Variants in FBXL18 observed in about 807,000 individuals in gnomAD.
FBXL18 encodes the protein F-box and leucine rich repeat protein 18, also known as F-box/LRR-repeat protein 18.
Under a neutral mutation model 46.0 loss-of-function variants are expected in FBXL18, and 36 were observed. The observed-to-expected ratio is 0.78, with a 90% CI of 0.60 to 1.03. The LOEUF is 1.03. Among genes scored for constraint, FBXL18 ranks in the 50% least tolerant of loss-of-function variants. The probability of loss-of-function intolerance (pLI) is 0.00; values close to 1 mark genes in which losing one functional copy is unlikely to be tolerated. For missense variants in FBXL18, 977 were observed against 1,004.1 expected (o/e 0.97, Z 0.36); for synonymous variants, 557 against 465.3 (o/e 1.20, Z -2.54).
Position 5,460,579 on chromosome 7 carries a change from G to A in FBXL18, c.2001-12736C>T, listed in dbSNP as rs76041940. ...AGTGATTCTCATGCCTCAACCTCCC[G>A]AGCAGCTGGGGTTACCGGCATGTGC... On this transcript the variant is annotated intron_variant and NMD_transcript_variant, in intron 4 of 6. Transcript: ENST00000415009. 2.9e-4 allele frequency among the ~76,000 whole-genome samples: 44 copies of A among 152,294 alleles called. 1 individual carries two copies. In the East Asian group the frequency reaches 7.3e-3, roughly 25 times the overall value.
intron 4 of FBXL18, among the ~76,000 whole-genome samples, chr7:5,465,887 A>G (rs1783334245): frequency 6.6e-6 from 1 of 150,878 alleles, no homozygotes; most frequent in South Asian, 2.1e-4. Context: ...GCACAATCTC[A>G]GCTCACTGCA....
At chr7:5,497,016 G>A (rs182772369) in intron 3 of FBXL18, among the ~76,000 whole-genome samples, 73 of 134,710 alleles carry the variant, frequency 5.4e-4, no homozygotes, top group Non-Finnish European at 8.5e-4. Flanking sequence ...GGGTGACAGA[G>A]TGAGACTCTG....
intron 4 of FBXL18, among the ~76,000 whole-genome samples, chr7:5,487,544 G>A (rs1038536821): frequency 1.3e-5 from 2 of 152,170 alleles, no homozygotes; most frequent in Non-Finnish European, 2.9e-5. Context: ...TCTTCCAGGC[G>A]TGAACTCCCA....
At chr7:5,498,599 C>G (rs1784147609) in intron 3 of FBXL18, among the ~76,000 whole-genome samples, 1 of 151,826 alleles carries the variant, frequency 6.6e-6, no homozygotes. Context: ...TTTTGAGAGT[C>G]TCACTCTGTC....
rs1472859817 is a variant in FBXL18 at position 5,479,474 on chromosome 7, A to T, written c.*2301T>A. ...AGAGCAAGAAGTGGTCAGTCCCAGGAGGCACCACACCACCCGATCTGATCG... is the reference window on the plus strand; with the variant it reads ...AGAGCAAGAAGTGGTCAGTCCCAGGTGGCACCACACCACCCGATCTGATCG... On this transcript the variant is annotated 3_prime_UTR_variant, in exon 5 of 5. Coordinates refer to ENST00000382368, the MANE Select transcript of FBXL18 (RefSeq NM_024963.6). The T allele has an allele frequency of 6.6e-6, 1 of 152,220 alleles. No homozygotes were observed. Among genetic ancestry groups the T allele is most frequent in the Non-Finnish European group, 1.5e-5 (1 of 68,092 alleles). 9.4% of individuals were successfully genotyped at this position (152,220 alleles called of 1,614,324 possible). A position where few individuals can be genotyped will look rare whatever the true frequency, so the allele number is the denominator to read the frequency against.
chr7:5,455,346 TG>T lies in FBXL18; in HGVS notation c.2001-7504del, dbSNP rs1344085673. The stretch of plus-strand genomic sequence containing the variant: ...TCAAGGAGCACTCAGGGCACATACT[TG>T]AACATTCTCAGGCCACATACTTGGG... On this transcript the variant is annotated intron_variant and NMD_transcript_variant, in intron 4 of 6. Transcript: ENST00000415009. The surrounding 1 kb of genome is among the most constrained non-coding windows in gnomAD (Gnocchi z 4.6). 6.6e-6 allele frequency among the ~76,000 whole-genome samples: 1 copy of T among 151,792 alleles called. No individual in the cohort carries two copies. The highest frequency in any genetic ancestry group is 2.4e-5 in the African/African-American group (1 of 41,286).
chr7:5,503,466 A>T (rs1405090695), intron 2 of FBXL18, among the ~76,000 whole-genome samples: 1 of 151,736 alleles, frequency 6.6e-6, no homozygotes, highest in African/African-American at 2.4e-5. Flanking sequence ...AGATCCTCCC[A>T]CCTCAGCCTC....
intron 3 of FBXL18, among the ~76,000 whole-genome samples, chr7:5,494,362 G>A (rs1784017714): frequency 6.6e-6 from 1 of 152,070 alleles, no homozygotes; most frequent in African/African-American, 2.4e-5. Flanking sequence ...TTGCTTGGAG[G>A]CAGAGGATGC....
intron 1 of FBXL18, among the ~76,000 whole-genome samples, chr7:5,507,537 A>C (rs1784422196): frequency 6.6e-6 from 1 of 152,140 alleles, no homozygotes; most frequent in Admixed American, 6.6e-5. Context: ...CTAATATTTT[A>C]ATAATTAGCA....
chr7:5,460,607 C>T (rs952954157), intron 4 of FBXL18, among the ~76,000 whole-genome samples: 3 of 152,228 alleles, frequency 2.0e-5, no homozygotes, highest in Non-Finnish European at 2.9e-5. Context: ...GCATGTGCCA[C>T]GACACCAGCT....
intron 4 of FBXL18, among the ~76,000 whole-genome samples, chr7:5,487,560 C>G (rs1783806790): frequency 6.6e-6 from 1 of 152,212 alleles, no homozygotes; most frequent in South Asian, 2.1e-4. Context: ...TCCCATCCCT[C>G]CAGCACTCAC....
intron 3 of FBXL18, 68 bp from the exon 4 acceptor site, chr7:5,491,517 G>A: frequency 7.3e-7 from 1 of 1,366,288 alleles, no homozygotes; most frequent in African/African-American, 1.4e-5. Flanking sequence ...CTGGGCGTCT[G>A]GAGGTGCTGC....
At chr7:5,468,239 T>TC (rs1271626671) in intron 4 of FBXL18, among the ~76,000 whole-genome samples, 10 of 152,126 alleles carry the variant, frequency 6.6e-5, no homozygotes, top group Non-Finnish European at 1.0e-4. Context: ...CGCCTCGGCC[T>TC]CCCAAAGTGC....
chr7:5,487,313 C>T (rs1269311815), intron 4 of FBXL18, among the ~76,000 whole-genome samples: 1 of 152,252 alleles, frequency 6.6e-6, no homozygotes, highest in Non-Finnish European at 1.5e-5. Flanking sequence ...TCCCACCTGG[C>T]TTTGGGGTGG....
chr7:5,477,170 AGCCACTGC>A lies in FBXL18; in HGVS notation c.*4597_*4604del, dbSNP rs1208305530. The A allele has an allele frequency of 6.6e-6, 1 of 152,264 alleles. No individual in the cohort carries two copies. The highest frequency in any genetic ancestry group is 1.5e-5 in the Non-Finnish European group (1 of 68,172). The allele number at this position is 152,264 out of a possible 1,614,324, so 9.4% of individuals were successfully genotyped here. A position where few individuals can be genotyped will look rare whatever the true frequency, so the allele number is the denominator to read the frequency against. Reference sequence around the variant, plus strand: ...CTAAAGTGCTGGGATTACAGGCGTGAGCCACTGCGCCCGGCCAGATCTAGAAACTTCTA... The same window carrying A: ...CTAAAGTGCTGGGATTACAGGCGTGAGCCCGGCCAGATCTAGAAACTTCTA... On this transcript the variant is annotated 3_prime_UTR_variant, in exon 5 of 5. Coordinates refer to ENST00000382368, the MANE Select transcript of FBXL18 (RefSeq NM_024963.6). This position sits in a 1 kb window ranked among gnomAD's most constrained non-coding sequence, Gnocchi z 4.4.
chr7:5,501,646 C>T lies in FBXL18; in HGVS notation c.623G>A (p.Arg208His), dbSNP rs1336097871. The change falls in exon 3 of 5, where the codon CGC (arginine) becomes CAC (histidine). Residue 208 changes from arginine to histidine, a missense_variant. Coordinates refer to ENST00000382368, the MANE Select transcript of FBXL18 (RefSeq NM_024963.6). ...LLYFEILDRT[R>H]EGAILSGQLM... ...CTGGCCCGAGAGGATGGCGCCCTCG[C>T]GCGTGCGGTCCAGAATCTCGAAGTA... 1 of 1,612,686 alleles carries T rather than the reference C, an allele frequency of 6.2e-7. No individual in the cohort carries two copies. The highest frequency in any genetic ancestry group is 8.5e-7 in the Non-Finnish European group (1 of 1,179,572).
At chr7:5,482,009 G>A (rs1783660739) in intron 4 of FBXL18, 78 bp from the exon 5 acceptor site, 3 of 1,505,570 alleles carry the variant, frequency 2.0e-6, no homozygotes, top group Non-Finnish European at 2.7e-6. Context: ...AGCCCAGGAG[G>A]CACTCACACC....
chr7:5,497,857 G>A (rs1370545277), intron 3 of FBXL18, among the ~76,000 whole-genome samples: 1 of 152,124 alleles, frequency 6.6e-6, no homozygotes, highest in Middle Eastern at 3.2e-3. Context: ...GGCACAAGGT[G>A]AATGCTAACT....
At position 5,501,432 on chromosome 7, in the gene FBXL18, G is replaced by C. The variant is rs377010708; in HGVS notation, c.837C>G (p.Thr279=). The C allele has an allele frequency of 1.2e-6, 2 of 1,613,454 alleles. No homozygotes were observed. The highest frequency in any genetic ancestry group is 1.7e-6 in the Non-Finnish European group (2 of 1,180,026). ...VPGSFAESGA[T]KNLLDSMARN... is the part of the protein sequence containing the mutation. ...GCGCCATGGAGTCCAGGAGGTTCTT[G>C]GTGGCGCCGCTCTCCGCGAAGCTGC... The change falls in exon 3 of 5, where the codon ACC becomes ACG. Residue 279 remains threonine, a synonymous_variant. Coordinates refer to ENST00000382368, the MANE Select transcript of FBXL18 (RefSeq NM_024963.6).
Sources: gnomAD v4.1 joint callset for allele counts (sites outside exome capture counted in the v4.1 genomes callset) on GRCh38, gnomAD v4.1.1 for gene constraint, Gnocchi (gnomAD v3.1) non-coding constraint, MANE v1.5 for transcripts, NCBI Gene and HGNC (gene_info 2026-07-23, HGNC 2026-07-21) for gene names.